DCDC2: variants seen among roughly 807,000 people sequenced by gnomAD.
DCDC2 encodes doublecortin domain containing 2.
DCDC2 carries 40 observed loss-of-function variants against 50.2 expected under a neutral mutation model. The ratio of observed to expected loss-of-function variants is 0.80; its 90% CI spans 0.62 to 1.04. The LOEUF is 1.04. Among genes scored for constraint, DCDC2 ranks in the 50% least tolerant of loss-of-function variants. The pLI is 0.00. For synonymous variants in DCDC2, 234 were observed against 210.6 expected, an observed-to-expected ratio of 1.11 and a Z score of -0.96; for missense variants, 570 against 581.9, an observed-to-expected ratio of 0.98 and a Z score of 0.21.
chr6:24,343,436 A>G (rs1007008101), intron 2 of DCDC2, among the ~76,000 whole-genome samples: 7 of 152,248 alleles, frequency 4.6e-5, no homozygotes, highest in Admixed American at 3.3e-4. Flanking sequence ...CTGGCTAGAC[A>G]TTACTATTGA....
intron 7 of DCDC2, among the ~76,000 whole-genome samples, chr6:24,218,675 G>A (rs944114783): frequency 6.6e-6 from 1 of 152,268 alleles, no homozygotes. Flanking sequence ...TTTTTGTAGA[G>A]ATGAGGTCTC....
chr6:24,216,110 A>G (rs2113770549), intron 7 of DCDC2, among the ~76,000 whole-genome samples: 1 of 152,350 alleles, frequency 6.6e-6, no homozygotes, highest in East Asian at 1.9e-4. Context: ...AGAAATGTCC[A>G]GCAAGTGGCT....
chr6:24,236,312 G>A (rs1029103262), intron 7 of DCDC2, among the ~76,000 whole-genome samples: 2 of 152,120 alleles, frequency 1.3e-5, no homozygotes, highest in Non-Finnish European at 2.9e-5. Context: ...GACAAAATCA[G>A]CAAAAATAAG....
chr6:24,271,036 A>G (rs1443905412), intron 7 of DCDC2, among the ~76,000 whole-genome samples: 2 of 151,850 alleles, frequency 1.3e-5, no homozygotes, highest in African/African-American at 2.4e-5. Context: ...AGCCTGGGCA[A>G]CATGGTGAAA....
chr6:24,221,480 T>C (rs1762116610), intron 7 of DCDC2, among the ~76,000 whole-genome samples: 1 of 152,204 alleles, frequency 6.6e-6, no homozygotes, highest in Non-Finnish European at 1.5e-5. Context: ...GTTTTTACAC[T>C]TATTCTCTGT....
chr6:24,243,737 T>C (rs981710153), intron 7 of DCDC2, among the ~76,000 whole-genome samples: 3 of 152,088 alleles, frequency 2.0e-5, no homozygotes, highest in Non-Finnish European at 4.4e-5. Flanking sequence ...GGAAATCCTA[T>C]AGGGCAGGAT....
intron 4 of DCDC2, among the ~76,000 whole-genome samples, chr6:24,300,837 G>A (rs1759355827): frequency 6.6e-6 from 1 of 151,970 alleles, no homozygotes; most frequent in African/African-American, 2.4e-5. Context: ...CTCCATCAAG[G>A]GATAATTTCA....
chr6:24,260,717 A>T (rs1175626097), intron 7 of DCDC2, among the ~76,000 whole-genome samples: 1 of 152,208 alleles, frequency 6.6e-6, no homozygotes, highest in Non-Finnish European at 1.5e-5. Context: ...TTAGGTCTGG[A>T]ACTCTGTTTT....
At chr6:24,193,296 A>T (rs1276325834) in intron 8 of DCDC2, among the ~76,000 whole-genome samples, 1 of 152,170 alleles carries the variant, frequency 6.6e-6, no homozygotes, top group Non-Finnish European at 1.5e-5. Flanking sequence ...GAAGACATAG[A>T]ATCCAAAAAA....
At chr6:24,181,933 C>A (rs1761082728) in intron 8 of DCDC2, among the ~76,000 whole-genome samples, 1 of 152,228 alleles carries the variant, frequency 6.6e-6, no homozygotes, top group Non-Finnish European at 1.5e-5. Context: ...GCTACAATAA[C>A]CAAAACCAGA....
chr6:24,380,835 T>C, the DCDC2 span, among the ~76,000 whole-genome samples: 1 of 152,182 alleles, frequency 6.6e-6, no homozygotes, highest in Admixed American at 6.5e-5. Context: ...AGCTCATACC[T>C]GTAATCCCAG....
intron 7 of DCDC2, among the ~76,000 whole-genome samples, chr6:24,236,689 GA>G (rs916288781): frequency 1.5e-4 from 22 of 150,340 alleles, no homozygotes; most frequent in Non-Finnish European, 2.2e-4. Flanking sequence ...AAATCAACAA[GA>G]AAAAAAAACA....
chr6:24,349,394 T>G (rs528455713), intron 2 of DCDC2, among the ~76,000 whole-genome samples: 1 of 152,188 alleles, frequency 6.6e-6, no homozygotes, highest in African/African-American at 2.4e-5. Flanking sequence ...TTCAATAACA[T>G]GGAAGCAGAG....
chr6:24,287,521 A>G (rs925822852), intron 6 of DCDC2, among the ~76,000 whole-genome samples: 2 of 152,144 alleles, frequency 1.3e-5, no homozygotes, highest in African/African-American at 4.8e-5. Context: ...TGTAGATGAC[A>G]AAGATGCCTG....
the DCDC2 span, among the ~76,000 whole-genome samples, chr6:24,381,526 G>C: frequency 6.6e-6 from 1 of 152,214 alleles, no homozygotes; most frequent in Non-Finnish European, 1.5e-5. Context: ...CCTGGCTGCA[G>C]AACAGCAGAA....
intron 2 of DCDC2, among the ~76,000 whole-genome samples, chr6:24,341,225 C>T (rs543997554): frequency 9.2e-5 from 14 of 152,308 alleles, no homozygotes; most frequent in African/African-American, 3.4e-4. Context: ...ACATTAGACA[C>T]TGCAAATATA....
intron 5 of DCDC2, among the ~76,000 whole-genome samples, chr6:24,290,682 A>C (rs767813119): frequency 6.7e-6 from 1 of 149,336 alleles, no homozygotes; most frequent in South Asian, 2.1e-4. Context: ...ATTTACTTAT[A>C]AATTTCATGC....
At chr6:24,359,179 T>C (rs1232365798), upstream of DCDC2, among the ~76,000 whole-genome samples, 1 of 52,634 alleles carries the variant, frequency 1.9e-5, no homozygotes, top group Non-Finnish European at 3.1e-5. Flanking sequence ...TTATATATAT[T>C]TTATATATTT....
chr6:24,207,039 A>AT (rs2113763203), intron 7 of DCDC2, among the ~76,000 whole-genome samples: 1 of 152,330 alleles, frequency 6.6e-6, no homozygotes, highest in South Asian at 2.1e-4. Context: ...GCCTACTAGA[A>AT]TTTTCATTTT....
Sources: allele counts gnomAD v4.1 joint callset (sites outside exome capture counted in the v4.1 genomes callset), GRCh38; gene constraint gnomAD v4.1.1; transcripts MANE v1.5; gene names NCBI Gene and HGNC (gene_info 2026-07-23, HGNC 2026-07-21).